FCHO1: variants seen among roughly 807,000 people sequenced by gnomAD.
The protein encoded by FCHO1 is FCH and mu domain containing endocytic adaptor 1.
A neutral mutation model predicts 114.4 loss-of-function variants in FCHO1; 45 were observed. That is an observed-to-expected ratio of 0.39 (90% CI 0.31 to 0.50). The LOEUF (loss-of-function observed/expected upper bound fraction) is 0.50. Ranked by LOEUF, FCHO1 falls within the 20% of genes least tolerant of loss-of-function variation. The probability of loss-of-function intolerance (pLI) is 0.77; values close to 1 mark genes in which losing one functional copy is unlikely to be tolerated. For missense variants in FCHO1, 1,042 were observed against 1,209.6 expected, an observed-to-expected ratio of 0.86 and a Z score of 2.06; for synonymous variants, 480 against 488.9, an observed-to-expected ratio of 0.98 and a Z score of 0.24.
chr19:17,787,923 AT>A (rs2094051891), intron 28 of FCHO1, 77 bp downstream of exon 28: 14 of 1,445,310 alleles, frequency 9.7e-6, no homozygotes, highest in Non-Finnish European at 1.2e-5. Flanking sequence ...GTGGGGAGGG[AT>A]TGGGGTGTGG....
At chr19:17,777,279 G>T (rs2092747979) in intron 18 of FCHO1, among the ~76,000 whole-genome samples, 1 of 151,834 alleles carries the variant, frequency 6.6e-6, no homozygotes, top group Non-Finnish European at 1.5e-5. Flanking sequence ...GCTCACGCCT[G>T]TAATTCCAGC....
chr19:17,762,265 C>A (rs1168410904), intron 4 of FCHO1, among the ~76,000 whole-genome samples: 1 of 150,662 alleles, frequency 6.6e-6, no homozygotes, highest in Non-Finnish European at 1.5e-5. Context: ...GGATTACGGG[C>A]GTGAGCCACC....
intron 6 of FCHO1, among the ~76,000 whole-genome samples, chr19:17,765,051 C>T (rs878942280): frequency 3.9e-5 from 5 of 127,828 alleles, no homozygotes; most frequent in East Asian, 4.5e-4. Context: ...GCAATAAGAG[C>T]GAAAACTCTG....
chr19:17,760,380 A>G (rs2085621974), intron 4 of FCHO1, among the ~76,000 whole-genome samples: 2 of 151,984 alleles, frequency 1.3e-5, no homozygotes, highest in African/African-American at 4.8e-5. Context: ...ACAGCTTAGT[A>G]GTGTTCAGGC....
At chr19:17,761,236 G>T (rs769511029) in intron 4 of FCHO1, among the ~76,000 whole-genome samples, 2 of 152,090 alleles carry the variant, frequency 1.3e-5, no homozygotes, top group Non-Finnish European at 2.9e-5. Context: ...CTCAAACCTG[G>T]ACCCTAATTT....
rs1777983333 is a variant in FCHO1, at chr19:17,766,790, C to G, written c.316C>G (p.Gln106Glu). The change falls in exon 7 of 29, where the codon CAG (glutamine) becomes GAG (glutamate). Residue 106 changes from glutamine to glutamate, a missense_variant. By Grantham distance (29) the Gln-to-Glu change is conservative. Transcript: ENST00000596536. ...IKDVLRYGEE[Q>E]LKTHKKCKEE... ...GGACGTTCTCCGCTACGGCGAGGAA[C>G]AGCTCAAGACCCACAAGAAGGTGTG... is the stretch of plus-strand genomic sequence containing the variant. 2 of 1,614,068 alleles carry G rather than the reference C, an allele frequency of 1.2e-6. No individual in the cohort carries two copies. Among genetic ancestry groups the G allele is most frequent in the East Asian group, 2.2e-5 (1 of 44,864 alleles).
intron 20 of FCHO1, among the ~76,000 whole-genome samples, chr19:17,780,008 C>G (rs1434202937): frequency 6.6e-6 from 1 of 151,586 alleles, no homozygotes; most frequent in African/African-American, 2.4e-5. Context: ...ATGGGAAGCC[C>G]CCGAGTCAGA....
chr19:17,768,112 G>A (rs2090049143), intron 7 of FCHO1, among the ~76,000 whole-genome samples: 1 of 152,154 alleles, frequency 6.6e-6, no homozygotes, highest in African/African-American at 2.4e-5. Context: ...CTGTTGCCCA[G>A]GCTGGAGTGC....
chr19:17,760,347 G>A (rs912660574), intron 4 of FCHO1, among the ~76,000 whole-genome samples: 5 of 151,788 alleles, frequency 3.3e-5, no homozygotes, highest in South Asian at 4.2e-4. Context: ...CACCGCGCCC[G>A]GCCTGATTAC....
At chr19:17,758,081 G>A (rs546812878) in intron 4 of FCHO1, among the ~76,000 whole-genome samples, 3 of 152,030 alleles carry the variant, frequency 2.0e-5, no homozygotes, top group Non-Finnish European at 4.4e-5. Flanking sequence ...CGGGTATGGT[G>A]GCGGGCACCT....
At chr19:17,771,537 T>C (rs1416259421) in intron 9 of FCHO1, among the ~76,000 whole-genome samples, 4 of 149,394 alleles carry the variant, frequency 2.7e-5, no homozygotes, top group Admixed American at 1.3e-4. Flanking sequence ...GGCGTGGTGG[T>C]GGGTGCCTGT....
chr19:17,778,038 CAAA>C, intron 18 of FCHO1, 96 bp from the exon 19 acceptor site: 9 of 678,926 alleles, frequency 1.3e-5, no homozygotes, highest in Non-Finnish European at 2.2e-5. Flanking sequence ...GACTCCGTCT[CAAA>C]AAAAAAAAAG....
intron 27 of FCHO1, among the ~76,000 whole-genome samples, chr19:17,787,211 G>A (rs548997930): frequency 1.5e-4 from 17 of 116,974 alleles, no homozygotes; most frequent in African/African-American, 4.4e-4. Context: ...GTGACAGAGC[G>A]AGACTCTGTC....
intron 7 of FCHO1, among the ~76,000 whole-genome samples, chr19:17,768,836 G>C (rs1049664463): frequency 6.6e-6 from 1 of 152,044 alleles, no homozygotes; most frequent in Admixed American, 6.6e-5. Context: ...TGCCTGGCCA[G>C]GAGTGAATTT....
At chr19:17,778,037 T>TG in intron 18 of FCHO1, 100 bp from the exon 19 acceptor site, 10 of 690,450 alleles carry the variant, frequency 1.4e-5, no homozygotes, top group Non-Finnish European at 9.7e-6. Flanking sequence ...AGACTCCGTC[T>TG]CAAAAAAAAA....
intron 7 of FCHO1, among the ~76,000 whole-genome samples, chr19:17,769,637 C>T (rs1158898945): frequency 6.8e-6 from 1 of 148,066 alleles, no homozygotes; most frequent in Non-Finnish European, 1.5e-5. Flanking sequence ...ACACACAAAA[C>T]GGTGAGTTAA....
chr19:17,749,720 G>T (rs932073288), upstream of FCHO1, among the ~76,000 whole-genome samples: 1 of 152,180 alleles, frequency 6.6e-6, no homozygotes, highest in Non-Finnish European at 1.5e-5. Flanking sequence ...CTGCCTTGAG[G>T]TGTGGTGACG....
Position 17,776,546 on chromosome 19 carries a change from C to A in FCHO1, c.1208-89C>A. 1 of 1,456,444 alleles carries A rather than the reference C, an allele frequency of 6.9e-7. No individual in the cohort carries two copies. The allele number at this position is 1,456,444 out of a possible 1,614,324, so 90.2% of individuals were successfully genotyped here. A position where few individuals can be genotyped will look rare whatever the true frequency, so the allele number is the denominator to read the frequency against. On this transcript the variant is annotated intron_variant, in intron 17 of 28. Transcript: ENST00000596536. The surrounding 1 kb of genome is among the most constrained non-coding windows in gnomAD (Gnocchi z 4.4). Reference sequence around the variant, plus strand: ...TGATCACCTTGGGCAACTGGCTGGACACCCCCGAGCCTCGGTCCCTTGGTC... The same window carrying A: ...TGATCACCTTGGGCAACTGGCTGGAAACCCCCGAGCCTCGGTCCCTTGGTC...
At chr19:17,762,194 C>T (rs1357751354) in intron 4 of FCHO1, among the ~76,000 whole-genome samples, 5 of 152,054 alleles carry the variant, frequency 3.3e-5, no homozygotes, top group Non-Finnish European at 7.4e-5. Context: ...CCATGTTGGC[C>T]AGGCTGGTCT....
Sources: allele counts gnomAD v4.1 joint callset (sites outside exome capture counted in the v4.1 genomes callset), GRCh38; gene constraint gnomAD v4.1.1; non-coding constraint Gnocchi (gnomAD v3.1); transcripts MANE v1.5; gene names NCBI Gene and HGNC (gene_info 2026-07-23, HGNC 2026-07-21).